The following CELF2 variants were observed in gnomAD, a reference collection of about 807,000 sequenced individuals.
CELF2 encodes the protein CUG triplet repeat RNA-binding protein 2.
A neutral mutation model predicts 62.6 loss-of-function variants in CELF2; 8 were observed. The observed-to-expected ratio is 0.13, with a 90% CI of 0.07 to 0.23. The LOEUF is 0.23. Among genes scored for constraint, CELF2 ranks in the 10% least tolerant of loss-of-function variants. CELF2 has a pLI of 1.00. For missense variants in CELF2, 333 were observed against 671.0 expected, an observed-to-expected ratio of 0.50 and a Z score of 5.56; for synonymous variants, 258 against 250.0, an observed-to-expected ratio of 1.03 and a Z score of -0.30.
intron 2 of CELF2, among the ~76,000 whole-genome samples, chr10:10,991,625 C>A (rs961300866): frequency 6.6e-6 from 1 of 152,132 alleles, no homozygotes; most frequent in Non-Finnish European, 1.5e-5. Flanking sequence ...TTTGTTTTCT[C>A]AATTTTTTTT....
chr10:10,865,209 A>G (rs1317084733), intron 1 of CELF2, among the ~76,000 whole-genome samples: 2 of 152,168 alleles, frequency 1.3e-5, no homozygotes, highest in Non-Finnish European at 2.9e-5. Context: ...TATTGTATTT[A>G]AGGAAAAGTA....
At chr10:10,601,137 C>T in the CELF2 span, among the ~76,000 whole-genome samples, 1 of 152,206 alleles carries the variant, frequency 6.6e-6, no homozygotes, top group Non-Finnish European at 1.5e-5. Context: ...CAATACCCTA[C>T]CTCTTAGAAC....
the CELF2 span, among the ~76,000 whole-genome samples, chr10:10,540,981 G>A: frequency 1.8e-3 from 279 of 152,156 alleles, 1 homozygote; most frequent in Admixed American, 7.1e-3. Context: ...TCAGGAGATC[G>A]CGCCACTGCA....
upstream of CELF2, among the ~76,000 whole-genome samples, chr10:11,013,324 A>C (rs2056764843): frequency 1.3e-5 from 2 of 152,222 alleles, no homozygotes; most frequent in Non-Finnish European, 2.9e-5. The surrounding 1 kb of genome is among the most constrained non-coding windows in gnomAD (Gnocchi z 4.1). Context: ...TGGAGAAAGG[A>C]GAAAAAGGAA....
the CELF2 span, among the ~76,000 whole-genome samples, chr10:10,768,161 G>A: frequency 1.7e-4 from 24 of 141,754 alleles, no homozygotes; most frequent in South Asian, 4.9e-3. Flanking sequence ...GCAAGACTCC[G>A]TCTCAAAAAA....
chr10:11,090,863 T>A (rs1334661577), intron 1 of CELF2, among the ~76,000 whole-genome samples: 2 of 152,214 alleles, frequency 1.3e-5, no homozygotes, highest in African/African-American at 2.4e-5. Flanking sequence ...TTAAAAATCA[T>A]ATGTGCATAT....
At chr10:11,056,578 A>G (rs1200313706) in intron 1 of CELF2, among the ~76,000 whole-genome samples, 1 of 152,248 alleles carries the variant, frequency 6.6e-6, no homozygotes, top group East Asian at 1.9e-4. Flanking sequence ...CAGAAAGGGA[A>G]GGTATTTGAA....
the CELF2 span, among the ~76,000 whole-genome samples, chr10:10,478,822 G>A: frequency 6.6e-6 from 1 of 152,138 alleles, no homozygotes; most frequent in Non-Finnish European, 1.5e-5. Flanking sequence ...AGCATTCACA[G>A]CAAAGTGTAA....
chr10:11,134,367 C>A (rs1015566431), intron 1 of CELF2, among the ~76,000 whole-genome samples: 5 of 152,212 alleles, frequency 3.3e-5, no homozygotes, highest in African/African-American at 1.2e-4. Context: ...TTGCTAAGGG[C>A]GGATGAGTGT....
chr10:10,516,815 G>T, the CELF2 span, among the ~76,000 whole-genome samples: 75,815 of 151,320 alleles, frequency 0.5, 20,151 homozygotes, highest in East Asian at 0.74. Flanking sequence ...CTCTGGAAGG[G>T]GGAGACAAGT....
rs57516121 is a variant in CELF2, at chr10:11,199,182, CA to C, written c.272-18241del. On this transcript the variant is annotated intron_variant, in intron 2 of 12. Coordinates refer to ENST00000633077, the MANE Select transcript of CELF2 (RefSeq NM_001326342.2). ...AACCCAAGACCATGATCTCTGGGAC[CA>C]ACATCTTTAATTGGAGACTTGTTAG... Among the ~76,000 whole-genome samples, 433 of 152,246 alleles carry C rather than the reference CA, an allele frequency of 2.8e-3. 5 individuals are homozygous for C. The East Asian group carries it at 0.059, about 21-fold the overall frequency.
intron 2 of CELF2, among the ~76,000 whole-genome samples, chr10:10,933,252 A>G (rs1165974402): frequency 6.6e-6 from 1 of 152,180 alleles, no homozygotes; most frequent in African/African-American, 2.4e-5. Flanking sequence ...GCAGTGAGCC[A>G]TGATGGCACC....
At chr10:11,163,841 T>G (rs1298556508) in intron 1 of CELF2, among the ~76,000 whole-genome samples, 1 of 152,260 alleles carries the variant, frequency 6.6e-6, no homozygotes, top group Non-Finnish European at 1.5e-5. Context: ...CGTAGGGTTT[T>G]GGCTTTTTAA....
chr10:10,946,379 C>T (rs2047685537), intron 2 of CELF2: 1 of 152,516 alleles, frequency 6.6e-6, no homozygotes, highest in Non-Finnish European at 1.5e-5. Flanking sequence ...GTTAAATTAC[C>T]TACAGAGCTT....
chr10:11,283,949 G>A (rs1248667112), intron 8 of CELF2, among the ~76,000 whole-genome samples: 31 of 143,020 alleles, frequency 2.2e-4, no homozygotes, highest in Admixed American at 4.8e-4. Flanking sequence ...GGGTGGATGA[G>A]GGATGAGTGT....
At chr10:10,861,954 T>C (rs2060067766) in intron 1 of CELF2, among the ~76,000 whole-genome samples, 1 of 152,230 alleles carries the variant, frequency 6.6e-6, no homozygotes, top group Non-Finnish European at 1.5e-5. Flanking sequence ...TTTTCTTTTT[T>C]ATTCCCATTG....
At chr10:10,996,423 G>A (rs144957497) in intron 2 of CELF2, among the ~76,000 whole-genome samples, 1 of 152,278 alleles carries the variant, frequency 6.6e-6, no homozygotes, top group East Asian at 1.9e-4. Flanking sequence ...GACCTCTAGG[G>A]TCTTCCTCTG....
chr10:11,302,287 C>T lies in CELF2; in HGVS notation c.977-11852C>T, dbSNP rs781639911. 4.5e-4 allele frequency among the ~76,000 whole-genome samples: 69 copies of T among 152,156 alleles called. No homozygotes were observed. The highest frequency in any genetic ancestry group is 8.5e-4 in the Non-Finnish European group (58 of 68,034). On this transcript the variant is annotated intron_variant, in intron 9 of 12. Transcript: ENST00000633077. This position sits in a 1 kb window ranked among gnomAD's most constrained non-coding sequence, Gnocchi z 5.0. ...CAGTCGTGATGGAATTTGACAGCAC[C>T]GCATCGGATAGTCCTGACACACGTG...
the CELF2 span, among the ~76,000 whole-genome samples, chr10:10,642,126 T>C: frequency 5.3e-5 from 8 of 152,240 alleles, no homozygotes; most frequent in African/African-American, 1.7e-4. Flanking sequence ...GCTTGCCAGA[T>C]ATAGCATGAA....
Sources: allele counts gnomAD v4.1 joint callset (sites outside exome capture counted in the v4.1 genomes callset), GRCh38; gene constraint gnomAD v4.1.1; non-coding constraint Gnocchi (gnomAD v3.1); transcripts MANE v1.5; gene names NCBI Gene and HGNC (gene_info 2026-07-23, HGNC 2026-07-21).